The following ADGRG2 variants were observed in gnomAD, a reference collection of about 807,000 sequenced individuals.
ADGRG2 encodes the protein adhesion G protein-coupled receptor G2, also known as G protein-coupled receptor 64.
ADGRG2 carries 26 observed loss-of-function variants against 74.1 expected under a neutral mutation model. The ratio of observed to expected loss-of-function variants is 0.35; its 90% confidence interval spans 0.26 to 0.49. The LOEUF (loss-of-function observed/expected upper bound fraction) is 0.49. Among genes scored for constraint, ADGRG2 ranks in the 20% least tolerant of loss-of-function variants. The probability of loss-of-function intolerance (pLI) is 0.99; values close to 1 mark genes in which losing one functional copy is unlikely to be tolerated. For missense variants in ADGRG2, 619 were observed against 763.1 expected, an observed-to-expected ratio of 0.81 and a Z score of 2.22; for synonymous variants, 296 against 295.2, an observed-to-expected ratio of 1.00 and a Z score of -0.03.
chrX:19,013,897 T>G lies in ADGRG2; in HGVS notation c.888A>C (p.Ile296=). The G allele has an allele frequency of 8.3e-7, 1 of 1,209,189 alleles. No homozygotes were observed. The highest frequency in any genetic ancestry group is 1.1e-6 in the Non-Finnish European group (1 of 893,757). Reference sequence around the variant, plus strand: ...GGGGTGAAAGGGGTTGAATCTCCCCTATTGGAGAGGGAACATTGTGGGTCA... The same window carrying G: ...GGGGTGAAAGGGGTTGAATCTCCCCGATTGGAGAGGGAACATTGTGGGTCA... ...SPVTHNVPSP[I]GEIQPLSPQP... The change falls in exon 16 of 29, where the codon ATA becomes ATC. Residue 296 remains isoleucine (I), a synonymous_variant. Coordinates refer to ENST00000379869, the MANE Select transcript of ADGRG2 (RefSeq NM_001079858.3).
rs763691441 is a variant in ADGRG2, at chrX:19,010,783, A to G, written c.1100-5T>C. 2.5e-6 allele frequency: 3 copies of G among 1,176,969 alleles called. No individual in the cohort carries two copies. The highest frequency in any genetic ancestry group is 3.4e-6 in the Non-Finnish European group (3 of 870,325). Reference sequence around the variant, plus strand: ...TACTGCTGGTGTTGACGATGTCTATATCAAAGAGCCAAATCGTGTTATGAA... The same window carrying G: ...TACTGCTGGTGTTGACGATGTCTATGTCAAAGAGCCAAATCGTGTTATGAA... On this transcript the variant is annotated splice_region_variant and splice_polypyrimidine_tract_variant and intron_variant, in intron 16 of 28. Coordinates refer to ENST00000379869, the MANE Select transcript of ADGRG2 (RefSeq NM_001079858.3).
In ADGRG2 at chrX:19,096,847, T is replaced by C. The variant is rs144081732; in HGVS notation, c.-46-14101A>G. ...TATGTCCTAAAATTCTTATGAGTAATGAGTCAGTCAGTACAGGGAAAGTGC... is the reference window on the plus strand; with the variant it reads ...TATGTCCTAAAATTCTTATGAGTAACGAGTCAGTCAGTACAGGGAAAGTGC... On this transcript the variant is annotated intron_variant, in intron 1 of 28. Coordinates refer to ENST00000379869, the MANE Select transcript of ADGRG2 (RefSeq NM_001079858.3). Among the ~76,000 whole-genome samples, 24 of 112,785 alleles carry C rather than the reference T, an allele frequency of 2.1e-4. 1 individual carries two copies. The South Asian group carries it at 4.0e-3, about 19-fold the overall frequency.
In ADGRG2 at chrX:19,024,682, C is replaced by T. The variant is rs138264488; in HGVS notation, c.471-734G>A. ...ATGCTGTTAAACACCTTACAATGCA[C>T]GGGATACCCCCACAACAAAGAATGA... On this transcript the variant is annotated intron_variant, in intron 11 of 28. Coordinates refer to ENST00000379869, the MANE Select transcript of ADGRG2 (RefSeq NM_001079858.3). Among the ~76,000 whole-genome samples, 53 of 112,133 alleles carry T rather than the reference C, an allele frequency of 4.7e-4. 1 individual carries two copies. The East Asian group carries it at 0.014, about 30-fold the overall frequency.
chrX:19,014,763 G>C (rs2060432405), intron 15 of ADGRG2, among the ~76,000 whole-genome samples: 1 of 111,196 alleles, frequency 9.0e-6, no homozygotes, highest in Non-Finnish European at 1.9e-5. Flanking sequence ...CTCCTGAGTA[G>C]CTGGGACTAC....
At chrX:19,018,899 G>C (rs1372718705) in intron 15 of ADGRG2, among the ~76,000 whole-genome samples, 1 of 111,883 alleles carries the variant, frequency 8.9e-6, no homozygotes, top group Non-Finnish European at 1.9e-5. Context: ...CTGGAGAGCA[G>C]TGGCGCAACC....
intron 1 of ADGRG2, among the ~76,000 whole-genome samples, chrX:19,108,873 T>C (rs1027296267): frequency 9.0e-6 from 1 of 111,323 alleles, no homozygotes; most frequent in Non-Finnish European, 1.9e-5. Flanking sequence ...TTGTAATGTG[T>C]ATAATTTGTA....
chrX:19,069,735 A>G (rs2061623122), intron 2 of ADGRG2, among the ~76,000 whole-genome samples: 1 of 111,163 alleles, frequency 9.0e-6, no homozygotes, highest in Admixed American at 9.5e-5. Context: ...GCCGAACTCC[A>G]GGGGAAGACC....
chrX:18,996,486 G>C (rs2060020194), intron 26 of ADGRG2, among the ~76,000 whole-genome samples: 1 of 110,764 alleles, frequency 9.0e-6, no homozygotes, highest in African/African-American at 3.3e-5. Flanking sequence ...CAGGATCCCA[G>C]CTTGGACTTA....
chrX:19,012,419 G>A (rs113924716), intron 16 of ADGRG2, among the ~76,000 whole-genome samples: 1 of 110,646 alleles, frequency 9.0e-6, no homozygotes, highest in Non-Finnish European at 1.9e-5. Context: ...CAATTTTACT[G>A]TATTCTTCAT....
chrX:19,007,629 G>A (rs1298329480), intron 19 of ADGRG2, among the ~76,000 whole-genome samples: 1 of 111,797 alleles, frequency 8.9e-6, no homozygotes, highest in African/African-American at 3.3e-5. Flanking sequence ...AGCCATTTAA[G>A]CCGTGTGTCC....
At chrX:19,072,435 T>C (rs2061670253) in intron 2 of ADGRG2, among the ~76,000 whole-genome samples, 1 of 111,954 alleles carries the variant, frequency 8.9e-6, no homozygotes, top group South Asian at 3.7e-4. Flanking sequence ...CAAAATGTTA[T>C]TATACAATTT....
chrX:19,101,635 A>AGGCTG (rs1249370724), intron 1 of ADGRG2, among the ~76,000 whole-genome samples: 1 of 110,201 alleles, frequency 9.1e-6, no homozygotes, highest in Non-Finnish European at 1.9e-5. Context: ...TAGGAGGCCA[A>AGGCTG]GGCTGCAGTG....
At chrX:19,021,333 C>T (rs2146634691) in intron 13 of ADGRG2, 135 bp from the exon 14 acceptor site, 2 of 510,788 alleles carry the variant, frequency 3.9e-6, no homozygotes, top group Non-Finnish European at 7.0e-6. Flanking sequence ...CCCCAATAAG[C>T]TTGTAAATAC....
At chrX:19,003,135 C>T (rs1275780961) in intron 23 of ADGRG2, 21 bp from the exon 24 acceptor site, 2 of 1,152,884 alleles carry the variant, frequency 1.7e-6, no homozygotes, top group Non-Finnish European at 1.2e-6. Flanking sequence ...AGGATGAGAA[C>T]AAGAATGAGC....
chrX:19,050,216 A>G (rs1247713869), intron 3 of ADGRG2, among the ~76,000 whole-genome samples: 1 of 111,335 alleles, frequency 9.0e-6, no homozygotes, highest in Non-Finnish European at 1.9e-5. Flanking sequence ...ACCTCTGAGA[A>G]GCATAGAGAA....
chrX:19,002,425 C>T (rs969228375), intron 24 of ADGRG2, among the ~76,000 whole-genome samples: 8 of 112,060 alleles, frequency 7.1e-5, no homozygotes, highest in African/African-American at 2.3e-4. Flanking sequence ...TACTGTCATA[C>T]GTGTCTGATA....
chrX:19,041,375 A>G (rs1045839544), intron 3 of ADGRG2, among the ~76,000 whole-genome samples: 1 of 111,802 alleles, frequency 8.9e-6, no homozygotes, highest in African/African-American at 3.2e-5. Context: ...AATTTATACT[A>G]CCCTTTAGAA....
intron 1 of ADGRG2, among the ~76,000 whole-genome samples, chrX:19,094,969 T>C (rs937190887): frequency 8.9e-6 from 1 of 112,150 alleles, no homozygotes; most frequent in African/African-American, 3.2e-5. Flanking sequence ...TGTTGCAGTG[T>C]GTTTTTCCAA....
chrX:19,072,993 A>T (rs2061677556), intron 2 of ADGRG2, among the ~76,000 whole-genome samples: 1 of 111,936 alleles, frequency 8.9e-6, no homozygotes, highest in Non-Finnish European at 1.9e-5. Flanking sequence ...GTCCCCATCC[A>T]AATCTCATGT....
Sources: allele counts gnomAD v4.1 joint callset (sites outside exome capture counted in the v4.1 genomes callset), GRCh38; gene constraint gnomAD v4.1.1; transcripts MANE v1.5; gene names NCBI Gene and HGNC (gene_info 2026-07-23, HGNC 2026-07-21).